SORCS2: variants seen among roughly 807,000 people sequenced by gnomAD.
SORCS2 encodes the protein sortilin related VPS10 domain containing receptor 2.
SORCS2 carries 100 observed loss-of-function variants against 141.6 expected under a neutral mutation model. The observed-to-expected ratio is 0.71, with a 90% CI of 0.60 to 0.83. The LOEUF is 0.83. Ranked by LOEUF, SORCS2 falls within the 40% of genes least tolerant of loss-of-function variation. The pLI, the probability that SORCS2 is intolerant of heterozygous loss-of-function variation, is 0.00. For missense variants in SORCS2, 1,646 were observed against 1,560.2 expected (o/e 1.05, Z -0.93); for synonymous variants, 789 against 676.9 (o/e 1.17, Z -2.57).
In SORCS2 at chr4:7,290,269, G is replaced by A. The variant is rs1237973964; in HGVS notation, c.480+97143G>A. On this transcript the variant is annotated intron_variant, in intron 1 of 26. Coordinates refer to ENST00000507866, the MANE Select transcript of SORCS2 (RefSeq NM_020777.3). ...AGCGCCCGTCTACCTGGCTCTCAGTGGGCTGGCTGCTCTCTGAGTAGTGAC... is the reference window on the plus strand; with the variant it reads ...AGCGCCCGTCTACCTGGCTCTCAGTAGGCTGGCTGCTCTCTGAGTAGTGAC... Among the ~76,000 whole-genome samples the A allele has an allele frequency of 2.6e-5, 4 of 152,198 alleles. No homozygotes were observed. In the East Asian group the frequency reaches 7.7e-4, roughly 29 times the overall value.
intron 1 of SORCS2, among the ~76,000 whole-genome samples, chr4:7,259,358 G>A (rs1046392788): frequency 1.3e-5 from 2 of 152,214 alleles, no homozygotes; most frequent in Admixed American, 6.5e-5. Flanking sequence ...GTGGGACTCA[G>A]GATCTCCTCA....
intron 4 of SORCS2, among the ~76,000 whole-genome samples, chr4:7,651,736 C>G (rs1474588124): frequency 6.6e-6 from 1 of 152,220 alleles, no homozygotes; most frequent in Non-Finnish European, 1.5e-5. Flanking sequence ...CCCTAGCAAC[C>G]TCCTCCCAAC....
intron 3 of SORCS2, among the ~76,000 whole-genome samples, chr4:7,604,413 G>A (rs1189958201): frequency 1.3e-5 from 2 of 152,218 alleles, no homozygotes; most frequent in African/African-American, 4.8e-5. Flanking sequence ...CGCCTCCCGG[G>A]TTTATGCCAT....
chr4:7,581,637 C>G (rs1463873326), intron 3 of SORCS2, among the ~76,000 whole-genome samples: 1 of 152,154 alleles, frequency 6.6e-6, no homozygotes, highest in African/African-American at 2.4e-5. Context: ...GACAGGAGCC[C>G]TCACGCAGAT....
At chr4:7,503,711 T>C (rs145958672) in intron 2 of SORCS2, among the ~76,000 whole-genome samples, 10 of 152,216 alleles carry the variant, frequency 6.6e-5, no homozygotes, top group Admixed American at 3.3e-4. Flanking sequence ...CTGATGCAGA[T>C]TGATGGGCCG....
rs543116879 is a variant in SORCS2 at position 7,509,289 on chromosome 4, G to A, written c.549-22241G>A. On this transcript the variant is annotated intron_variant, in intron 2 of 26. Transcript: ENST00000507866. Reference sequence around the variant, plus strand: ...ACCTAGCAGGAACTAGAATCAGTGTGGGCCACAGAGGGGATGGAGAGGGAG... The same window carrying A: ...ACCTAGCAGGAACTAGAATCAGTGTAGGCCACAGAGGGGATGGAGAGGGAG... Among the ~76,000 whole-genome samples the A allele has an allele frequency of 3.9e-5, 6 of 152,222 alleles. No individual in the cohort carries two copies. The South Asian group carries it at 1.2e-3, about 32-fold the overall frequency.
chr4:7,337,689 C>T (rs1720073847), intron 1 of SORCS2, among the ~76,000 whole-genome samples: 1 of 152,112 alleles, frequency 6.6e-6, no homozygotes, highest in South Asian at 2.1e-4. Flanking sequence ...CAGCATTGCT[C>T]CCTGGCTGCA....
At chr4:7,710,632 G>C (rs544230280) in intron 14 of SORCS2, among the ~76,000 whole-genome samples, 1 of 152,320 alleles carries the variant, frequency 6.6e-6, no homozygotes, top group Non-Finnish European at 1.5e-5. Context: ...CAATGTTGAG[G>C]CCGTCCAAGT....
intron 2 of SORCS2, among the ~76,000 whole-genome samples, chr4:7,443,951 A>C (rs1055692078): frequency 2.0e-5 from 3 of 152,164 alleles, no homozygotes; most frequent in Non-Finnish European, 4.4e-5. Context: ...TGGGCCCCAC[A>C]TGTCCACCTG....
At position 7,345,003 on chromosome 4, in the gene SORCS2, C is replaced by A. The variant is rs574890145; in HGVS notation, c.481-51285C>A. On this transcript the variant is annotated intron_variant, in intron 1 of 26. Transcript: ENST00000507866. ...TGACTCGCAGATGACCCCTGGGGAG[C>A]CTCGGCCTGTTGTCCCTCCTGCTGC... is the stretch of plus-strand genomic sequence containing the variant. 5.3e-5 allele frequency among the ~76,000 whole-genome samples: 8 copies of A among 152,232 alleles called. No individual in the cohort carries two copies. The South Asian group carries it at 1.2e-3, about 24-fold the overall frequency.
chr4:7,421,097 T>A (rs1038696165), intron 2 of SORCS2, among the ~76,000 whole-genome samples: 1 of 152,178 alleles, frequency 6.6e-6, no homozygotes, highest in Admixed American at 6.5e-5. Flanking sequence ...GCTGTTTCGC[T>A]CCATCCCTTG....
intron 2 of SORCS2, among the ~76,000 whole-genome samples, chr4:7,457,303 A>C (rs1490570045): frequency 6.6e-6 from 1 of 152,188 alleles, no homozygotes. Context: ...CTGAAAGGAC[A>C]TGCAGCCAGG....
chr4:7,331,898 C>T (rs1040258672), intron 1 of SORCS2, among the ~76,000 whole-genome samples: 34 of 152,174 alleles, frequency 2.2e-4, no homozygotes, highest in Admixed American at 1.3e-4. Flanking sequence ...TCTGAGATGT[C>T]GCAGGCATTC....
intron 1 of SORCS2, among the ~76,000 whole-genome samples, chr4:7,240,862 T>G (rs1045995184): frequency 6.6e-6 from 1 of 152,198 alleles, no homozygotes; most frequent in Admixed American, 6.5e-5. Context: ...CGACCTTCAT[T>G]TGCAGTTGCC....
At chr4:7,524,217 A>G (rs915923402) in intron 2 of SORCS2, among the ~76,000 whole-genome samples, 2 of 152,200 alleles carry the variant, frequency 1.3e-5, no homozygotes, top group Non-Finnish European at 2.9e-5. Flanking sequence ...GCCTGGCTTT[A>G]GGGTGGGCAC....
rs1010076124 is a variant in SORCS2, at chr4:7,524,585, G to T, written c.549-6945G>T. Reference sequence around the variant, plus strand: ...AGGTCAACAGGCTGCTGTGGGTTTTGTTTTTTTTTTTTCATGTTCTTTGAA... The same window carrying T: ...AGGTCAACAGGCTGCTGTGGGTTTTTTTTTTTTTTTTTCATGTTCTTTGAA... On this transcript the variant is annotated intron_variant, in intron 2 of 26. Transcript: ENST00000507866. Among the ~76,000 whole-genome samples the T allele has an allele frequency of 1.9e-3, 281 of 144,866 alleles. 1 individual carries two copies. Among genetic ancestry groups the T allele is most frequent in the African/African-American group, 4.6e-3 (184 of 39,642 alleles).
intron 1 of SORCS2, among the ~76,000 whole-genome samples, chr4:7,210,734 G>C (rs1012304235): frequency 6.6e-6 from 1 of 152,216 alleles, no homozygotes; most frequent in Non-Finnish European, 1.5e-5. Flanking sequence ...CACCTGATGA[G>C]ACTGATGTGG....
chr4:7,697,030 T>G (rs1724755148), intron 11 of SORCS2, among the ~76,000 whole-genome samples, 168 bp from the exon 12 acceptor site: 1 of 152,192 alleles, frequency 6.6e-6, no homozygotes, highest in South Asian at 2.1e-4. Context: ...CTTCACTGCA[T>G]AGACCCAGAC....
chr4:7,479,284 CTG>C (rs1730486138), intron 2 of SORCS2, among the ~76,000 whole-genome samples: 1 of 151,944 alleles, frequency 6.6e-6, no homozygotes, highest in Non-Finnish European at 1.5e-5. Flanking sequence ...GCCTCAATGT[CTG>C]GGCCTTTCCC....
Sources: allele counts gnomAD v4.1 joint callset (sites outside exome capture counted in the v4.1 genomes callset), GRCh38; gene constraint gnomAD v4.1.1; transcripts MANE v1.5; gene names NCBI Gene and HGNC (gene_info 2026-07-23, HGNC 2026-07-21).